Variants in EPHA3 observed in about 807,000 individuals in gnomAD.
EPHA3 encodes the protein EPH receptor A3, also known as ephrin type-A receptor 3.
In EPHA3, 42 loss-of-function variants were observed where a neutral mutation model predicts 107.1. The observed-to-expected ratio is 0.39, with a 90% CI of 0.31 to 0.51. The LOEUF (loss-of-function observed/expected upper bound fraction) is 0.51, where lower values mean the gene tolerates loss of function less well. Among genes scored for constraint, EPHA3 ranks in the 20% least tolerant of loss-of-function variants. The probability of loss-of-function intolerance (pLI) is 0.78; values close to 1 mark genes in which losing one functional copy is unlikely to be tolerated. For missense variants in EPHA3, 1,183 were observed against 1,211.2 expected, an observed-to-expected ratio of 0.98 and a Z score of 0.35; for synonymous variants, 461 against 424.8, an observed-to-expected ratio of 1.09 and a Z score of -1.05.
At chr3:89,204,132 C>T (rs1257022546) in intron 2 of EPHA3, among the ~76,000 whole-genome samples, 1 of 152,156 alleles carries the variant, frequency 6.6e-6, no homozygotes, top group Non-Finnish European at 1.5e-5. Context: ...ACTTTGTTGG[C>T]TTTCCTCATA....
chr3:89,389,535 C>A (rs1345613266), intron 5 of EPHA3, among the ~76,000 whole-genome samples: 1 of 152,098 alleles, frequency 6.6e-6, no homozygotes, highest in African/African-American at 2.4e-5. Context: ...TTAGAAATTC[C>A]CAAATCTAGA....
At chr3:89,154,353 A>T (rs1405632624) in intron 2 of EPHA3, among the ~76,000 whole-genome samples, 1 of 151,704 alleles carries the variant, frequency 6.6e-6, no homozygotes, top group African/African-American at 2.4e-5. Flanking sequence ...TAAATGCATG[A>T]ATAAGTTAAT....
chr3:89,429,020 T>TAC, intron 11 of EPHA3, 86 bp from the exon 12 acceptor site: 1 of 856,684 alleles, frequency 1.2e-6, no homozygotes, highest in South Asian at 2.6e-5. Flanking sequence ...TCTATAATCC[T>TAC]CAGGTAAATC....
chr3:89,330,106 A>G (rs1163347207), intron 3 of EPHA3, among the ~76,000 whole-genome samples: 1 of 152,006 alleles, frequency 6.6e-6, no homozygotes, highest in East Asian at 1.9e-4. Context: ...CTAAGCACTT[A>G]TTTATCATGG....
In EPHA3 at chr3:89,413,142, A is replaced by G. The variant is rs1187980945; in HGVS notation, c.1764A>G (p.Leu588=). 1.2e-6 allele frequency: 2 copies of G among 1,610,916 alleles called. No individual in the cohort carries two copies. Among genetic ancestry groups the G allele is most frequent in the Non-Finnish European group, 1.7e-6 (2 of 1,177,952 alleles). The part of the protein sequence containing the change: ...EKRLHFGNGH[L]KLPGLRTYVD... The stretch of plus-strand genomic sequence containing the variant: ...GCCTTTCTTTCTTTCCTCAAACAGT[A>G]AAACTTCCAGGTCTCAGGACTTATG... Residue 588 remains leucine (L), a splice_region_variant and synonymous_variant, in exon 10 of 17, where the codon TTA becomes TTG. Transcript: ENST00000336596.
chr3:89,354,414 C>A (rs1219347854), intron 5 of EPHA3, among the ~76,000 whole-genome samples: 1 of 151,004 alleles, frequency 6.6e-6, no homozygotes, highest in East Asian at 1.9e-4. Flanking sequence ...GAATAACCAT[C>A]ATACAGCTCA....
chr3:89,215,341 A>G (rs1267079895), intron 3 of EPHA3, among the ~76,000 whole-genome samples: 2 of 151,902 alleles, frequency 1.3e-5, no homozygotes, highest in Non-Finnish European at 2.9e-5. Context: ...CTTATTTTTT[A>G]ATATGAAAAG....
At chr3:89,438,564 A>G (rs775208913) in intron 13 of EPHA3, among the ~76,000 whole-genome samples, 8 of 152,172 alleles carry the variant, frequency 5.3e-5, no homozygotes, top group Non-Finnish European at 7.3e-5. Context: ...ATTTTCAAGA[A>G]CCAAAAAAAC....
chr3:89,393,018 T>C (rs1381246199), intron 5 of EPHA3, among the ~76,000 whole-genome samples: 1 of 152,180 alleles, frequency 6.6e-6, no homozygotes, highest in Non-Finnish European at 1.5e-5. Flanking sequence ...AAACAATTCC[T>C]ATTAATTATT....
chr3:89,133,324 G>T (rs1704245846), intron 2 of EPHA3, among the ~76,000 whole-genome samples: 1 of 152,142 alleles, frequency 6.6e-6, no homozygotes, highest in Non-Finnish European at 1.5e-5. Context: ...CAATCTTGCT[G>T]CAAAAGGAAT....
intron 1 of EPHA3, among the ~76,000 whole-genome samples, chr3:89,116,452 G>C (rs1707256062): frequency 1.3e-5 from 2 of 152,070 alleles, no homozygotes; most frequent in African/African-American, 2.4e-5. Context: ...ATAAATTTTA[G>C]TGATTTAGCT....
chr3:89,319,402 C>G (rs1706988235), intron 3 of EPHA3, among the ~76,000 whole-genome samples: 1 of 151,860 alleles, frequency 6.6e-6, no homozygotes, highest in Non-Finnish European at 1.5e-5. Flanking sequence ...ATTAGGATAT[C>G]CGATACACAA....
At chr3:89,417,032 G>A (rs1477975023) in intron 10 of EPHA3, among the ~76,000 whole-genome samples, 1 of 151,400 alleles carries the variant, frequency 6.6e-6, no homozygotes, top group Non-Finnish European at 1.5e-5. Context: ...CTCTTAAAGG[G>A]TAGTTAGGCA....
At chr3:89,221,124 G>C (rs1704362528) in intron 3 of EPHA3, among the ~76,000 whole-genome samples, 1 of 152,170 alleles carries the variant, frequency 6.6e-6, no homozygotes, top group Admixed American at 6.5e-5. Flanking sequence ...CTTCCTGGCA[G>C]AGAGAGGCTG....
chr3:89,303,557 T>C (rs565430897), intron 3 of EPHA3, among the ~76,000 whole-genome samples: 1 of 151,800 alleles, frequency 6.6e-6, no homozygotes, highest in East Asian at 1.9e-4. Flanking sequence ...TCACATATAG[T>C]TTTATTATTC....
In EPHA3 at chr3:89,407,264, C is replaced by A. The variant is rs752558331; in HGVS notation, c.1595-5C>A. The A allele has an allele frequency of 6.2e-7, 1 of 1,611,780 alleles. No individual in the cohort carries two copies. The highest frequency in any genetic ancestry group is 1.3e-5 in the African/African-American group (1 of 74,952). Reference sequence around the variant, plus strand: ...TGTTCTTATTTTTTCTCTTCAACCTCACAGCTTTCTCCATCTCTGGTGAAA... The same window carrying A: ...TGTTCTTATTTTTTCTCTTCAACCTAACAGCTTTCTCCATCTCTGGTGAAA... On this transcript the variant is annotated splice_polypyrimidine_tract_variant and splice_region_variant and intron_variant, in intron 7 of 16. Coordinates refer to ENST00000336596, the MANE Select transcript of EPHA3 (RefSeq NM_005233.6).
At chr3:89,390,064 T>A (rs1708693404) in intron 5 of EPHA3, among the ~76,000 whole-genome samples, 1 of 152,140 alleles carries the variant, frequency 6.6e-6, no homozygotes, top group African/African-American at 2.4e-5. Context: ...TCATCTTGGC[T>A]CATTGTAACC....
At chr3:89,432,562 C>A (rs1576375121) in intron 13 of EPHA3, among the ~76,000 whole-genome samples, 1 of 151,838 alleles carries the variant, frequency 6.6e-6, no homozygotes, top group South Asian at 2.1e-4. Flanking sequence ...GGACCACCAG[C>A]CCCAGCTAAT....
chr3:89,132,041 G>A lies in EPHA3; in HGVS notation c.153+4768G>A, dbSNP rs115686478. ...TTGTTGCAGGGATTGGTTGAAGCAA[G>A]TGTAAGTAAAGCCAATGAGACTGGT... On this transcript the variant is annotated intron_variant, in intron 2 of 16. Transcript: ENST00000336596. Among the ~76,000 whole-genome samples, 625 of 152,312 alleles carry A rather than the reference G, an allele frequency of 4.1e-3. 6 individuals are homozygous for A. Among genetic ancestry groups the A allele is most frequent in the African/African-American group, 0.013 (557 of 41,568 alleles).
Sources: allele counts gnomAD v4.1 joint callset (sites outside exome capture counted in the v4.1 genomes callset), GRCh38; gene constraint gnomAD v4.1.1; transcripts MANE v1.5; gene names NCBI Gene and HGNC (gene_info 2026-07-23, HGNC 2026-07-21).